SENP1: variants seen among roughly 807,000 people sequenced by gnomAD.
The protein encoded by SENP1 is SUMO specific peptidase 1.
SENP1 carries 21 observed loss-of-function variants against 93.0 expected under a neutral mutation model. The ratio of observed to expected loss-of-function variants is 0.23; its 90% CI spans 0.16 to 0.33. SENP1 has a LOEUF of 0.33. Ranked by LOEUF, SENP1 falls within the 10% of genes least tolerant of loss-of-function variation. The pLI, the probability that SENP1 is intolerant of heterozygous loss-of-function variation, is 1.00. For missense variants in SENP1, 591 were observed against 758.7 expected, an observed-to-expected ratio of 0.78 and a Z score of 2.60; for synonymous variants, 256 against 259.6, an observed-to-expected ratio of 0.99 and a Z score of 0.13.
At chr12:48,105,916 G>T in intron 1 of SENP1, 112 bp downstream of exon 1, 2 of 657,500 alleles carry the variant, frequency 3.0e-6, no homozygotes, top group South Asian at 3.3e-5. Context: ...GCCCCACAGT[G>T]CTCCCCGCTT....
chr12:48,082,805 C>T lies in SENP1; in HGVS notation c.552+786G>A, dbSNP rs567814806. Among the ~76,000 whole-genome samples the T allele has an allele frequency of 1.2e-4, 18 of 152,266 alleles. No individual in the cohort carries two copies. The South Asian group carries it at 3.3e-3, about 28-fold the overall frequency. Reference sequence around the variant, plus strand: ...CTGTAACTTCAAAAAAGGTCTTACTCATAATGAAAGGATGTATATTGTTTA... The same window carrying T: ...CTGTAACTTCAAAAAAGGTCTTACTTATAATGAAAGGATGTATATTGTTTA... On this transcript the variant is annotated intron_variant, in intron 6 of 17. Coordinates refer to ENST00000549518, the MANE Select transcript of SENP1 (RefSeq NM_001267594.2).
intron 13 of SENP1, chr12:48,054,980 G>T: frequency 4.5e-6 from 1 of 222,292 alleles, no homozygotes; most frequent in South Asian, 7.7e-5. Flanking sequence ...AAGATGAACT[G>T]GATGACACAA....
chr12:48,049,007 A>G lies in SENP1; in HGVS notation c.1533T>C (p.Arg511=). 6.2e-7 allele frequency: 1 copy of G among 1,613,808 alleles called. No homozygotes were observed. Among genetic ancestry groups the G allele is most frequent in the Non-Finnish European group, 8.5e-7 (1 of 1,179,764 alleles). The change falls in exon 14 of 18, where the codon CGT becomes CGC. Residue 511 remains arginine (R), a synonymous_variant. Transcript: ENST00000549518. ...LKTAGYQAVK[R]WTKKVDVFSV... ...AAAATACATCTACTTTCTTTGTCCA[A>G]CGTTTCACTGCCTGATAACCAGCCG...
Position 48,081,689 on chromosome 12 carries a change from GC to G in SENP1, c.552+1901del, listed in dbSNP as rs1351643943. ...GGGCTCAAACGATCTTCCTGCTTCAGCCTCCTGAGTAGGTGGAACTACAGCC... is the reference window on the plus strand; with the variant it reads ...GGGCTCAAACGATCTTCCTGCTTCAGCTCCTGAGTAGGTGGAACTACAGCC... On this transcript the variant is annotated intron_variant, in intron 6 of 17. Transcript: ENST00000549518. Among the ~76,000 whole-genome samples the G allele has an allele frequency of 4.7e-5, 7 of 148,582 alleles. No homozygotes were observed. In the East Asian group the frequency reaches 1.4e-3, roughly 31 times the overall value.
At chr12:48,089,179 G>A (rs769762625) in intron 4 of SENP1, 8 of 1,529,516 alleles carry the variant, frequency 5.2e-6, no homozygotes, top group African/African-American at 4.1e-5. Flanking sequence ...ATTGATGAAG[G>A]AGCTGAATCC....
intron 11 of SENP1, 128 bp downstream of exon 11, chr12:48,065,468 T>G: frequency 1.5e-6 from 1 of 669,382 alleles, no homozygotes; most frequent in Non-Finnish European, 2.6e-6. Flanking sequence ...CGACATATCA[T>G]AACATGCTAT....
chr12:48,067,979 G>C (rs571911762), intron 9 of SENP1, among the ~76,000 whole-genome samples: 2 of 152,238 alleles, frequency 1.3e-5, no homozygotes, highest in East Asian at 3.9e-4. Flanking sequence ...TCCTGCCTCA[G>C]CCTCCTGAGT....
chr12:48,074,521 G>C lies in SENP1; in HGVS notation c.743C>G (p.Ser248Cys). ...GGCAGATCCAGATGATGAAGTATCA[G>C]AGCCAATGATCTGAGATGCACAAGA... ...GNSCASQIIG[S>C]DTSSSGSASI... The change falls in exon 8 of 18, where the codon TCT becomes TGT. Residue 248 changes from serine (S) to cysteine (C), a missense_variant. By Grantham distance (112) the Ser-to-Cys change is moderately radical. This residue lies in a region of SENP1 where 238 missense variants were observed against 259.1 expected (regional missense o/e 0.92). Transcript: ENST00000549518. 6.2e-7 allele frequency: 1 copy of C among 1,613,920 alleles called. No homozygotes were observed. The highest frequency in any genetic ancestry group is 8.5e-7 in the Non-Finnish European group (1 of 1,179,828).
intron 5 of SENP1, chr12:48,085,045 T>C: frequency 8.2e-7 from 1 of 1,218,214 alleles, no homozygotes; most frequent in Non-Finnish European, 1.2e-6. Flanking sequence ...TGGGGTGAGC[T>C]CTGCCTGGCT....
chr12:48,085,415 G>T, intron 5 of SENP1: 3 of 1,124,454 alleles, frequency 2.7e-6, no homozygotes, highest in Non-Finnish European at 3.9e-6. Flanking sequence ...CCGAAGACCT[G>T]TGCTAGGGTC....
intron 5 of SENP1, among the ~76,000 whole-genome samples, chr12:48,085,677 T>C (rs1205658554): frequency 2.0e-5 from 3 of 148,604 alleles, no homozygotes; most frequent in East Asian, 2.0e-4. Flanking sequence ...CACAGTGTCA[T>C]TGTTGATGTT....
chr12:48,089,078 T>A lies in SENP1; in HGVS notation c.221-118A>T. The A allele has an allele frequency of 3.9e-6, 6 of 1,543,086 alleles. No homozygotes were observed. In the South Asian group the frequency reaches 7.3e-5, roughly 19 times the overall value. ...ATGTGGCATGTCACCATTTCTCTCA[T>A]GGAAGAAAGATCCCAGTCTCAACTG... is the stretch of plus-strand genomic sequence containing the variant. On this transcript the variant is annotated intron_variant, in intron 4 of 17. Coordinates refer to ENST00000549518, the MANE Select transcript of SENP1 (RefSeq NM_001267594.2).
In SENP1 at chr12:48,043,543, T is replaced by C. The variant is rs908542921; in HGVS notation, c.*1779A>G. 1.1e-4 allele frequency: 17 copies of C among 152,412 alleles called. No individual in the cohort carries two copies. Among genetic ancestry groups the C allele is most frequent in the Non-Finnish European group, 8.8e-5 (6 of 68,004 alleles). 9.4% of individuals were successfully genotyped at this position (152,412 alleles called of 1,614,324 possible). On this transcript the variant is annotated 3_prime_UTR_variant, in exon 18 of 18. Coordinates refer to ENST00000549518, the MANE Select transcript of SENP1 (RefSeq NM_001267594.2). Reference sequence around the variant, plus strand: ...CATGCCACAGCTTTCTAAAAGAGAATGTGAAGGTCCCCAGCAACTCATATA... The same window carrying C: ...CATGCCACAGCTTTCTAAAAGAGAACGTGAAGGTCCCCAGCAACTCATATA...
chr12:48,094,637 G>A (rs756266309), intron 4 of SENP1, among the ~76,000 whole-genome samples: 2 of 151,888 alleles, frequency 1.3e-5, no homozygotes, highest in South Asian at 2.1e-4. Context: ...TCAAGATCGC[G>A]CCATTACACT....
intron 1 of SENP1, among the ~76,000 whole-genome samples, chr12:48,104,275 GGA>G (rs1946259900): frequency 2.4e-4 from 11 of 45,226 alleles, no homozygotes; most frequent in Admixed American, 4.3e-4. Context: ...GGGGGGGGGC[GGA>G]GGGAGGGAGA....
chr12:48,064,177 A>G (rs1943138255), intron 12 of SENP1, among the ~76,000 whole-genome samples: 1 of 152,218 alleles, frequency 6.6e-6, no homozygotes, highest in African/African-American at 2.4e-5. Context: ...CTCTGGTCCA[A>G]ATGACTTCCT....
chr12:48,101,165 A>G (rs1945907317), intron 2 of SENP1, among the ~76,000 whole-genome samples: 2 of 152,168 alleles, frequency 1.3e-5, no homozygotes, highest in South Asian at 4.1e-4. Context: ...ACATGCCTGT[A>G]ATCCCAGCTA....
In SENP1 at chr12:48,088,776, A is replaced by G. The variant is rs768953845; in HGVS notation, c.380+25T>C. The G allele has an allele frequency of 1.0e-5, 16 of 1,599,682 alleles. No individual in the cohort carries two copies. The South Asian group carries it at 1.6e-4, about 16-fold the overall frequency. The stretch of plus-strand genomic sequence containing the variant: ...TCTCTTATGTCTGAGGAAGGGCTTG[A>G]GAACTAAGATGACAAAATACGAACC... On this transcript the variant is annotated intron_variant, in intron 5 of 17. Transcript: ENST00000549518.
At chr12:48,088,559 T>G (rs1445007858) in intron 5 of SENP1, 1 of 476,738 alleles carries the variant, frequency 2.1e-6, no homozygotes, top group Non-Finnish European at 3.7e-6. Flanking sequence ...CTCCCAATAT[T>G]CTCATATCCA....
Sources: gnomAD v4.1 joint callset for allele counts (sites outside exome capture counted in the v4.1 genomes callset) on GRCh38, gnomAD v4.1.1 for gene constraint, gnomAD v4.1.1 regional missense constraint, MANE v1.5 for transcripts, NCBI Gene and HGNC (gene_info 2026-07-23, HGNC 2026-07-21) for gene names.